The following NIM1K variants were observed in gnomAD, a reference collection of about 807,000 sequenced individuals.
NIM1K encodes NIM1 serine/threonine protein kinase, also known as serine/threonine-protein kinase NIM1.
In NIM1K, 35 loss-of-function variants were observed where a neutral mutation model predicts 37.1. The observed-to-expected ratio is 0.94, with a 90% CI of 0.72 to 1.25. The LOEUF (loss-of-function observed/expected upper bound fraction) is 1.25, where lower values mean the gene tolerates loss of function less well. NIM1K is among the 50% of genes most tolerant of loss of function. NIM1K has a pLI of 0.00. For missense variants in NIM1K, 564 were observed against 548.0 expected, an observed-to-expected ratio of 1.03 and a Z score of -0.29; for synonymous variants, 234 against 206.6, an observed-to-expected ratio of 1.13 and a Z score of -1.14.
At position 43,280,767 on chromosome 5, in the gene NIM1K, T is replaced by A. The variant is rs1171749536; in HGVS notation, c.*38T>A. ...TGCTTGTAACTAACCAAGATGATTG[T>A]TGCTGCTTCTAAATTTTTTTCAAGG... On this transcript the variant is annotated 3_prime_UTR_variant, in exon 4 of 4. Transcript: ENST00000326035. The A allele has an allele frequency of 6.7e-7, 1 of 1,497,246 alleles. No homozygotes were observed. The highest frequency in any genetic ancestry group is 2.3e-5 in the Admixed American group (1 of 43,886). The allele number at this position is 1,497,246 out of a possible 1,614,324, so 92.7% of individuals were successfully genotyped here. A position where few individuals can be genotyped will look rare whatever the true frequency, so the allele number is the denominator to read the frequency against.
chr5:43,222,164 ATGTCCCACATTCCCCAGGGGAT>A (rs1424193273), intron 1 of NIM1K, among the ~76,000 whole-genome samples: 1 of 152,142 alleles, frequency 6.6e-6, no homozygotes, highest in Non-Finnish European at 1.5e-5. Context: ...GCCTTGCCTT[ATGTCCCACATTCCCCAGGGGAT>A]TGTCAGCTCC....
chr5:43,258,788 C>T (rs1426874094), intron 2 of NIM1K, among the ~76,000 whole-genome samples: 1 of 151,806 alleles, frequency 6.6e-6, no homozygotes, highest in African/African-American at 2.4e-5. Context: ...AATTTTTTTT[C>T]AATGACTTTT....
At chr5:43,206,984 G>A in intron 1 of NIM1K, 2 of 758,518 alleles carry the variant, frequency 2.6e-6, no homozygotes, top group South Asian at 1.3e-5. Flanking sequence ...GAACAAAGCG[G>A]AATTGAGTCA....
At chr5:43,193,103 T>C (rs1019289367) in intron 1 of NIM1K, 2 of 152,100 alleles carry the variant, frequency 1.3e-5, no homozygotes, top group African/African-American at 2.4e-5. Flanking sequence ...TCCAGGAATA[T>C]TAGAAGCTCC....
intron 1 of NIM1K, among the ~76,000 whole-genome samples, chr5:43,199,177 A>C (rs1751979666): frequency 8.1e-6 from 1 of 123,312 alleles, no homozygotes; most frequent in African/African-American, 3.1e-5. Flanking sequence ...AACAAGAGTG[A>C]AGCTCTGTCT....
rs559884217 is a variant in NIM1K at position 43,238,438 on chromosome 5, A to G, written c.-694-6644A>G. 4.6e-5 allele frequency among the ~76,000 whole-genome samples: 7 copies of G among 151,352 alleles called. 1 individual carries two copies. Among genetic ancestry groups the G allele is most frequent in the African/African-American group, 1.5e-4 (6 of 41,058 alleles). ...TTTAGCATTTGTTCTGGTTTTATGG[A>G]TCCAATACCTTATCTTTTATCTTCT... On this transcript the variant is annotated intron_variant, in intron 1 of 3. Transcript: ENST00000326035.
intron 1 of NIM1K, among the ~76,000 whole-genome samples, chr5:43,198,635 T>A (rs1306483433): frequency 6.6e-6 from 1 of 152,220 alleles, no homozygotes; most frequent in Non-Finnish European, 1.5e-5. Context: ...TCCTCCTACT[T>A]TCTAGCAGCA....
chr5:43,263,925 G>A (rs1053939318), intron 2 of NIM1K, among the ~76,000 whole-genome samples: 1 of 152,178 alleles, frequency 6.6e-6, no homozygotes, highest in Admixed American at 6.5e-5. Context: ...ATGTAGTTGA[G>A]TGGTTTTGAG....
At chr5:43,271,369 G>T (rs767223250) in intron 2 of NIM1K, among the ~76,000 whole-genome samples, 3 of 150,712 alleles carry the variant, frequency 2.0e-5, no homozygotes, top group African/African-American at 4.9e-5. Flanking sequence ...TGATTCACTG[G>T]GATGAGGAAA....
intron 1 of NIM1K, among the ~76,000 whole-genome samples, chr5:43,220,532 T>C (rs1216864370): frequency 1.3e-5 from 2 of 152,032 alleles, no homozygotes; most frequent in Non-Finnish European, 2.9e-5. Context: ...CCGCCCGCCT[T>C]GGCCTTCCAA....
chr5:43,219,388 C>G (rs993989219), intron 1 of NIM1K, among the ~76,000 whole-genome samples: 1 of 152,058 alleles, frequency 6.6e-6, no homozygotes, highest in East Asian at 1.9e-4. Flanking sequence ...AAGGCATGAA[C>G]CACCACACCT....
intron 2 of NIM1K, among the ~76,000 whole-genome samples, chr5:43,267,783 T>C (rs1753187561): frequency 6.6e-6 from 1 of 152,210 alleles, no homozygotes; most frequent in Admixed American, 6.5e-5. Flanking sequence ...GGAGTTGGTT[T>C]CTAGTTTTTT....
chr5:43,278,701 A>G (rs1162221143), intron 3 of NIM1K, among the ~76,000 whole-genome samples: 1 of 152,218 alleles, frequency 6.6e-6, no homozygotes, highest in Non-Finnish European at 1.5e-5. Context: ...ATTACATGCC[A>G]GGCACTGAAA....
rs368593561 is a variant in NIM1K, at chr5:43,214,650, C to A, written c.-695+22239C>A. Among the ~76,000 whole-genome samples the A allele has an allele frequency of 2.6e-5, 4 of 151,712 alleles. No individual in the cohort carries two copies. The South Asian group carries it at 8.3e-4, about 31-fold the overall frequency. Reference sequence around the variant, plus strand: ...CTAACACAGTGAAACCCCATCTCTACTAAAAATACAAAAAAATTAGCTGGG... The same window carrying A: ...CTAACACAGTGAAACCCCATCTCTAATAAAAATACAAAAAAATTAGCTGGG... On this transcript the variant is annotated intron_variant, in intron 1 of 3. Transcript: ENST00000326035.
intron 2 of NIM1K, among the ~76,000 whole-genome samples, chr5:43,276,417 G>C (rs1392267501): frequency 1.3e-5 from 2 of 152,230 alleles, no homozygotes; most frequent in East Asian, 3.9e-4. Flanking sequence ...CTCAGAGCGA[G>C]AGCTCACTTA....
intron 1 of NIM1K, among the ~76,000 whole-genome samples, chr5:43,230,244 G>C (rs1752518192): frequency 6.6e-6 from 1 of 152,004 alleles, no homozygotes; most frequent in African/African-American, 2.4e-5. Flanking sequence ...GTAGTGATGG[G>C]TTTAGGCTCC....
At chr5:43,270,125 GAC>G (rs1166983759) in intron 2 of NIM1K, among the ~76,000 whole-genome samples, 11 of 152,126 alleles carry the variant, frequency 7.2e-5, no homozygotes, top group Non-Finnish European at 1.6e-4. Flanking sequence ...AGTTTTGCTG[GAC>G]ACAAAATTCT....
chr5:43,232,456 AGT>A, intron 1 of NIM1K: 1 of 1,491,566 alleles, frequency 6.7e-7, no homozygotes, highest in Non-Finnish European at 9.3e-7. Context: ...TCAGGGAAGC[AGT>A]GATGGAGGAC....
At position 43,240,828 on chromosome 5, in the gene NIM1K, C is replaced by T. The variant is rs1752689798; in HGVS notation, c.-694-4254C>T. Among the ~76,000 whole-genome samples, 4 of 151,944 alleles carry T rather than the reference C, an allele frequency of 2.6e-5. No homozygotes were observed. The South Asian group carries it at 8.3e-4, about 31-fold the overall frequency. On this transcript the variant is annotated intron_variant, in intron 1 of 3. Transcript: ENST00000326035. ...CTGGTATTACAGCCGTGAGCCACCACAATCGGCCCTTTCTTACACTCCTGA... is the reference window on the plus strand; with the variant it reads ...CTGGTATTACAGCCGTGAGCCACCATAATCGGCCCTTTCTTACACTCCTGA...
Sources: gnomAD v4.1 joint callset for allele counts (sites outside exome capture counted in the v4.1 genomes callset) on GRCh38, gnomAD v4.1.1 for gene constraint, MANE v1.5 for transcripts, NCBI Gene and HGNC (gene_info 2026-07-23, HGNC 2026-07-21) for gene names.